PALM2AKAP2: variants seen among roughly 807,000 people sequenced by gnomAD.
PALM2AKAP2 encodes the protein PALM2 and AKAP2 fusion.
Under a neutral mutation model 71.5 loss-of-function variants are expected in PALM2AKAP2, and 37 were observed. That is an observed-to-expected ratio of 0.52 (90% CI 0.40 to 0.68). The LOEUF is 0.68. Among genes scored for constraint, PALM2AKAP2 ranks in the 30% least tolerant of loss-of-function variants. PALM2AKAP2 has a pLI of 0.00. For synonymous variants in PALM2AKAP2, 468 were observed against 478.8 expected (o/e 0.98, Z 0.29); for missense variants, 1,224 against 1,191.8 (o/e 1.03, Z -0.40).
chr9:110,044,539 A>G (rs1833564130), upstream of PALM2AKAP2, among the ~76,000 whole-genome samples: 1 of 150,010 alleles, frequency 6.7e-6, no homozygotes, highest in South Asian at 2.1e-4. Flanking sequence ...TTTAGTAGAG[A>G]CGGGGTTGCA....
intron 1 of PALM2AKAP2, among the ~76,000 whole-genome samples, chr9:109,749,786 T>G (rs1366674333): frequency 2.0e-5 from 3 of 152,224 alleles, no homozygotes; most frequent in African/African-American, 7.2e-5. Context: ...GTGAGAAGGA[T>G]GTGGGAATTC....
At chr9:110,118,534 C>T (rs1835416834) in intron 1 of PALM2AKAP2, among the ~76,000 whole-genome samples, 1 of 152,182 alleles carries the variant, frequency 6.6e-6, no homozygotes, top group African/African-American at 2.4e-5. Flanking sequence ...AGGTATCAGC[C>T]ACTGCTCCCA....
At chr9:110,059,450 T>C (rs573708031) in intron 1 of PALM2AKAP2, among the ~76,000 whole-genome samples, 1 of 152,374 alleles carries the variant, frequency 6.6e-6, no homozygotes, top group East Asian at 1.9e-4. Context: ...TTCATGGACA[T>C]TATCCTTGAA....
chr9:109,767,206 C>T (rs929384244), intron 1 of PALM2AKAP2, among the ~76,000 whole-genome samples: 3 of 152,158 alleles, frequency 2.0e-5, no homozygotes, highest in African/African-American at 7.2e-5. Context: ...TGTGTTCTGG[C>T]CCCTCCTCAG....
intron 1 of PALM2AKAP2, among the ~76,000 whole-genome samples, chr9:109,749,939 A>C (rs891758870): frequency 1.3e-5 from 2 of 152,228 alleles, no homozygotes; most frequent in African/African-American, 4.8e-5. Context: ...GTCTTTTGGC[A>C]TTTAGAACCT....
At chr9:109,867,290 G>A (rs939242754) in intron 1 of PALM2AKAP2, 50 of 525,614 alleles carry the variant, frequency 9.5e-5, no homozygotes, top group Middle Eastern at 5.1e-4. Context: ...CCCACTCTTC[G>A]AGCCTACAGC....
chr9:110,082,024 A>G (rs574274255), intron 1 of PALM2AKAP2, among the ~76,000 whole-genome samples: 2 of 152,154 alleles, frequency 1.3e-5, no homozygotes, highest in East Asian at 1.9e-4. Flanking sequence ...AACATCACCT[A>G]TCTGGTTCTT....
intron 4 of PALM2AKAP2, 62 bp from the exon 5 acceptor site, chr9:109,924,999 G>A (rs1227124670): frequency 2.4e-5 from 38 of 1,611,726 alleles, no homozygotes; most frequent in Non-Finnish European, 3.1e-5. Flanking sequence ...TTAAAGATGG[G>A]AAAAGATGGG....
At chr9:109,922,903 CGGTAAAATG>C (rs1830867696) in intron 3 of PALM2AKAP2, among the ~76,000 whole-genome samples, 1 of 152,152 alleles carries the variant, frequency 6.6e-6, no homozygotes, top group Admixed American at 6.5e-5. Flanking sequence ...CTGATCTCAT[CGGTAAAATG>C]GGGATTCCCT....
chr9:109,644,151 A>G (rs1430237872), intron 1 of PALM2AKAP2, among the ~76,000 whole-genome samples: 1 of 152,176 alleles, frequency 6.6e-6, no homozygotes, highest in Non-Finnish European at 1.5e-5. Context: ...ACATCTCAAC[A>G]TGATACCTGG....
At chr9:109,799,648 G>C (rs114152648) in intron 1 of PALM2AKAP2, among the ~76,000 whole-genome samples, 1 of 152,178 alleles carries the variant, frequency 6.6e-6, no homozygotes, top group Non-Finnish European at 1.5e-5. Context: ...CATGCAACAC[G>C]ATGCCTGGTT....
chr9:109,990,015 A>G (rs1273488510), intron 6 of PALM2AKAP2, among the ~76,000 whole-genome samples: 1 of 150,580 alleles, frequency 6.6e-6, no homozygotes. Context: ...CAAACTCCTT[A>G]TGTTTACCAC....
intron 1 of PALM2AKAP2, among the ~76,000 whole-genome samples, chr9:110,102,865 C>T (rs770562394): frequency 1.5e-4 from 23 of 152,122 alleles, no homozygotes; most frequent in Non-Finnish European, 3.1e-4. Flanking sequence ...ATCCTAGCCA[C>T]CGAAGCCAGT....
In PALM2AKAP2 at chr9:109,663,286, T is replaced by G. The variant is rs374079644; in HGVS notation, c.5+22420T>G. 5.9e-5 allele frequency among the ~76,000 whole-genome samples: 9 copies of G among 152,252 alleles called. No homozygotes were observed. In the East Asian group the frequency reaches 9.7e-4, roughly 16 times the overall value. On this transcript the variant is annotated intron_variant, in intron 1 of 6. Coordinates refer to the PALM2AKAP2 transcript ENST00000374531. ...TCTTTTAATTGTGATGTTAGGGTGT[T>G]GATTTTAGATCTTTCCTGCTTTCTC...
At chr9:109,719,016 C>T (rs1828368205) in intron 1 of PALM2AKAP2, among the ~76,000 whole-genome samples, 1 of 151,968 alleles carries the variant, frequency 6.6e-6, no homozygotes, top group Non-Finnish European at 1.5e-5. Context: ...AATATACTAA[C>T]AGGAGTAAAA....
At chr9:109,664,150 A>G (rs146622210) in intron 1 of PALM2AKAP2, among the ~76,000 whole-genome samples, 1,536 of 152,226 alleles carry the variant, frequency 0.01, 20 homozygotes, top group Middle Eastern at 0.02. Flanking sequence ...CCAATTTGCC[A>G]GTCTGTGTCT....
chr9:109,829,681 C>G (rs1287636218), intron 1 of PALM2AKAP2, among the ~76,000 whole-genome samples: 1 of 151,628 alleles, frequency 6.6e-6, no homozygotes, highest in Non-Finnish European at 1.5e-5. Context: ...TACACATCCT[C>G]TCTCCTGGCC....
At chr9:109,748,259 A>G (rs2118704031) in intron 1 of PALM2AKAP2, among the ~76,000 whole-genome samples, 1 of 152,194 alleles carries the variant, frequency 6.6e-6, no homozygotes, top group South Asian at 2.1e-4. Flanking sequence ...AATACCCCCT[A>G]TACTCTTTCC....
At chr9:110,023,861 A>G (rs774554231) in intron 7 of PALM2AKAP2, among the ~76,000 whole-genome samples, 1 of 152,092 alleles carries the variant, frequency 6.6e-6, no homozygotes, top group Admixed American at 6.6e-5. Context: ...GTGTGGTAGC[A>G]TGTGCCTGTA....
Sources: gnomAD v4.1 joint callset for allele counts (sites outside exome capture counted in the v4.1 genomes callset) on GRCh38, gnomAD v4.1.1 for gene constraint, MANE v1.5 for transcripts, NCBI Gene and HGNC (gene_info 2026-07-23, HGNC 2026-07-21) for gene names.